The following RBKS variants were observed in gnomAD, a reference collection of about 807,000 sequenced individuals.
The protein encoded by RBKS is ribokinase.
Under a neutral mutation model 33.9 loss-of-function variants are expected in RBKS, and 33 were observed. The observed-to-expected ratio is 0.97, with a 90% CI of 0.74 to 1.30. RBKS has a LOEUF of 1.30. Among genes scored for constraint, RBKS ranks in the 50% most tolerant of loss-of-function variants. RBKS has a pLI of 0.00. For missense variants in RBKS, 361 were observed against 392.6 expected, an observed-to-expected ratio of 0.92 and a Z score of 0.68; for synonymous variants, 125 against 143.0, an observed-to-expected ratio of 0.87 and a Z score of 0.90.
rs116197788 is a variant in RBKS at position 27,839,720 on chromosome 2, C to T, written c.514+3347G>A. Among the ~76,000 whole-genome samples, 762 of 152,230 alleles carry T rather than the reference C, an allele frequency of 5.0e-3. 6 individuals carry two copies. Among genetic ancestry groups the T allele is most frequent in the African/African-American group, 0.017 (720 of 41,538 alleles). Reference sequence around the variant, plus strand: ...ATGATGACGATGAAGACTTTATCATCGTTCTTGAAGACGGAATAATGCTGT... The same window carrying T: ...ATGATGACGATGAAGACTTTATCATTGTTCTTGAAGACGGAATAATGCTGT... On this transcript the variant is annotated intron_variant, in intron 5 of 7. Coordinates refer to ENST00000302188, the MANE Select transcript of RBKS (RefSeq NM_022128.3).
intron 7 of RBKS, among the ~76,000 whole-genome samples, chr2:27,804,141 T>C (rs1030183947): frequency 6.6e-6 from 1 of 152,264 alleles, no homozygotes; most frequent in Non-Finnish European, 1.5e-5. Flanking sequence ...TTTTTGCTTC[T>C]GTCTTTTAAA....
chr2:27,804,160 A>AT (rs954506129), intron 7 of RBKS, among the ~76,000 whole-genome samples: 15 of 152,284 alleles, frequency 9.9e-5, no homozygotes, highest in East Asian at 1.9e-4. Flanking sequence ...AATAGGTACA[A>AT]TTTTTTTGTC....
intron 7 of RBKS, among the ~76,000 whole-genome samples, chr2:27,819,417 G>C (rs1257282790): frequency 6.6e-6 from 1 of 152,132 alleles, no homozygotes; most frequent in African/African-American, 2.4e-5. Context: ...GGGGGTTAAG[G>C]CTTCAACATA....
chr2:27,871,588 CTG>C (rs921621304), intron 1 of RBKS, among the ~76,000 whole-genome samples: 5 of 152,150 alleles, frequency 3.3e-5, no homozygotes, highest in Non-Finnish European at 7.3e-5. Context: ...CTTACCAAAA[CTG>C]TGACTGAGAC....
At chr2:27,790,640 C>T (rs1181875740) in intron 7 of RBKS, among the ~76,000 whole-genome samples, 2 of 152,144 alleles carry the variant, frequency 1.3e-5, no homozygotes, top group African/African-American at 2.4e-5. Context: ...GAAGCTTCAT[C>T]ATGCATATGC....
intron 4 of RBKS, among the ~76,000 whole-genome samples, chr2:27,846,266 CCT>C (rs1284321489): frequency 1.2e-4 from 19 of 152,330 alleles, no homozygotes; most frequent in African/African-American, 4.3e-4. Context: ...CTACGCTCAG[CCT>C]CTGTTTTAAT....
chr2:27,872,253 C>T (rs1023135362), intron 1 of RBKS, among the ~76,000 whole-genome samples: 5 of 151,990 alleles, frequency 3.3e-5, no homozygotes, highest in East Asian at 1.9e-4. Flanking sequence ...TTTATTGTAA[C>T]GTAACACATT....
At chr2:27,859,266 T>C (rs1663923717) in intron 1 of RBKS, among the ~76,000 whole-genome samples, 1 of 152,162 alleles carries the variant, frequency 6.6e-6, no homozygotes, top group African/African-American at 2.4e-5. Context: ...TACAAACCTA[T>C]AAAAGTAGAG....
intron 7 of RBKS, among the ~76,000 whole-genome samples, chr2:27,826,788 C>A (rs1183771184): frequency 2.0e-5 from 3 of 152,128 alleles, no homozygotes; most frequent in Non-Finnish European, 4.4e-5. Flanking sequence ...TAACTTGTTT[C>A]CTTTTCATTC....
intron 7 of RBKS, among the ~76,000 whole-genome samples, chr2:27,789,569 A>T (rs1677468540): frequency 1.3e-5 from 2 of 150,710 alleles, no homozygotes; most frequent in African/African-American, 4.9e-5. Context: ...TGGCCTTTTT[A>T]AAAAATTTTT....
intron 7 of RBKS, among the ~76,000 whole-genome samples, chr2:27,800,757 GGA>G (rs1677761316): frequency 6.6e-6 from 1 of 152,190 alleles, no homozygotes; most frequent in Non-Finnish European, 1.5e-5. Flanking sequence ...CACAGTAGAA[GGA>G]TAAAGGCATC....
chr2:27,800,850 A>T (rs1558536002), intron 7 of RBKS, among the ~76,000 whole-genome samples: 1 of 152,160 alleles, frequency 6.6e-6, no homozygotes, highest in Non-Finnish European at 1.5e-5. Context: ...GGCTCCAGAG[A>T]GTTCCAGCCA....
intron 7 of RBKS, among the ~76,000 whole-genome samples, chr2:27,783,948 G>T (rs1000773784): frequency 8.1e-6 from 1 of 123,560 alleles, no homozygotes. Flanking sequence ...AACCATTCTT[G>T]TATTCAACAG....
chr2:27,848,091 T>C lies in RBKS; in HGVS notation c.229A>G (p.Lys77Glu). Reference protein sequence around the residue: ...AMTSMVCKVGKDSFGNDYIEN... With the variant: ...AMTSMVCKVGEDSFGNDYIEN... The stretch of plus-strand genomic sequence containing the variant: ...ATATAATCATTGCCAAAAGAATCTT[T>C]GCCAACCTGTACCAAAGAAATAATG... The change falls in exon 3 of 8, where the codon AAA (lysine) becomes GAA (glutamate). Residue 77 changes from lysine to glutamate, a missense_variant. Physicochemically the swap from Lys to Glu is moderately conservative, Grantham distance 56. Transcript: ENST00000302188. 6.7e-7 allele frequency: 1 copy of C among 1,490,164 alleles called. No individual in the cohort carries two copies. Among genetic ancestry groups the C allele is most frequent in the Non-Finnish European group, 9.3e-7 (1 of 1,076,598 alleles). The allele number at this position is 1,490,164 out of a possible 1,614,324, so 92.3% of individuals were successfully genotyped here. A position where few individuals can be genotyped will look rare whatever the true frequency, so the allele number is the denominator to read the frequency against.
chr2:27,803,738 T>C (rs575186868), intron 7 of RBKS, among the ~76,000 whole-genome samples: 1 of 150,366 alleles, frequency 6.7e-6, no homozygotes, highest in African/African-American at 2.5e-5. Flanking sequence ...ATTTTTTAAT[T>C]ACTCTGCAAT....
intron 7 of RBKS, among the ~76,000 whole-genome samples, chr2:27,822,112 G>A (rs1050145180): frequency 5.9e-5 from 9 of 152,152 alleles, no homozygotes; most frequent in Non-Finnish European, 1.3e-4. Flanking sequence ...GTCTGCTGGG[G>A]AAACACAGTT....
chr2:27,788,842 A>G (rs992078204), intron 7 of RBKS, among the ~76,000 whole-genome samples: 2 of 152,248 alleles, frequency 1.3e-5, no homozygotes, highest in Non-Finnish European at 2.9e-5. Flanking sequence ...TATGGAAAGT[A>G]AAAGAAAAAT....
At chr2:27,809,404 A>G (rs778541397) in intron 7 of RBKS, among the ~76,000 whole-genome samples, 1 of 152,272 alleles carries the variant, frequency 6.6e-6, no homozygotes, top group Non-Finnish European at 1.5e-5. Flanking sequence ...TATAATTTAA[A>G]GAATTCCATG....
chr2:27,792,315 A>G (rs1482661228), intron 7 of RBKS, among the ~76,000 whole-genome samples: 1 of 152,246 alleles, frequency 6.6e-6, no homozygotes, highest in African/African-American at 2.4e-5. Context: ...ACATTGGGGA[A>G]ATTAATGTAA....
Sources: allele counts gnomAD v4.1 joint callset (sites outside exome capture counted in the v4.1 genomes callset), GRCh38; gene constraint gnomAD v4.1.1; transcripts MANE v1.5; gene names NCBI Gene and HGNC (gene_info 2026-07-23, HGNC 2026-07-21).